TRAPPC6A: variants seen among roughly 807,000 people sequenced by gnomAD.
TRAPPC6A encodes the protein TRAPP complex subunit 6A.
In TRAPPC6A, 25 loss-of-function variants were observed where a neutral mutation model predicts 20.8. The ratio of observed to expected loss-of-function variants is 1.20; its 90% CI spans 0.88 to 1.68. The LOEUF (loss-of-function observed/expected upper bound fraction) is 1.68. TRAPPC6A is among the 40% of genes most tolerant of loss of function. The pLI is 0.00. For missense variants in TRAPPC6A, 215 were observed against 211.6 expected, an observed-to-expected ratio of 1.02 and a Z score of -0.10; for synonymous variants, 96 against 93.3, an observed-to-expected ratio of 1.03 and a Z score of -0.16.
intron 1 of TRAPPC6A, among the ~76,000 whole-genome samples, chr19:45,171,289 G>T (rs1027622545): frequency 1.6e-5 from 2 of 123,750 alleles, no homozygotes; most frequent in African/African-American, 6.5e-5. Context: ...GTGACAGAGC[G>T]AGACTCAGTC....
intron 1 of TRAPPC6A, among the ~76,000 whole-genome samples, chr19:45,176,432 C>A (rs1309567147): frequency 1.3e-5 from 2 of 151,930 alleles, no homozygotes; most frequent in African/African-American, 4.8e-5. Context: ...CCACTGCACT[C>A]CAGCCTGGGC....
rs140184899 is a variant in TRAPPC6A at position 45,164,268 on chromosome 19, G to C, written c.271-21C>G. ...GTCCCCTGGGGGAGAGGAGAGGCTG[G>C]TGGGTGGGGTCGGGGCCTGTACATT... On this transcript the variant is annotated intron_variant, in intron 3 of 5. Coordinates refer to ENST00000585934, the MANE Select transcript of TRAPPC6A (RefSeq NM_001270891.2). The C allele has an allele frequency of 4.5e-6, 7 of 1,546,550 alleles. No individual in the cohort carries two copies. The Admixed American group carries it at 7.2e-5, about 16-fold the overall frequency.
rs1367197396 is a variant in TRAPPC6A, at chr19:45,172,689, C to T, written c.84+5446G>A. On this transcript the variant is annotated intron_variant, in intron 1 of 5. Coordinates refer to ENST00000585934, the MANE Select transcript of TRAPPC6A (RefSeq NM_001270891.2). This position sits in a 1 kb window ranked among gnomAD's most constrained non-coding sequence, Gnocchi z 4.2. ...AGTCCAGATCCTGCCTCTGCCCACTCAGAACTCCCCATCCTGTCCCCTGGC... is the reference window on the plus strand; with the variant it reads ...AGTCCAGATCCTGCCTCTGCCCACTTAGAACTCCCCATCCTGTCCCCTGGC... Among the ~76,000 whole-genome samples the T allele has an allele frequency of 2.6e-5, 4 of 151,708 alleles. No individual in the cohort carries two copies. In the East Asian group the frequency reaches 7.7e-4, roughly 29 times the overall value.
In TRAPPC6A at chr19:45,164,251, G is replaced by A. The variant is rs757463522; in HGVS notation, c.271-4C>T. 3 of 1,595,436 alleles carry A rather than the reference G, an allele frequency of 1.9e-6. No homozygotes were observed. In the African/African-American group the frequency reaches 4.0e-5, roughly 21 times the overall value. ...TGTCTTGCAGGACGTAGGTCCCCTG[G>A]GGGAGAGGAGAGGCTGGTGGGTGGG... is the stretch of plus-strand genomic sequence containing the variant. On this transcript the variant is annotated splice_polypyrimidine_tract_variant and splice_region_variant and intron_variant, in intron 3 of 5. Coordinates refer to ENST00000585934, the MANE Select transcript of TRAPPC6A (RefSeq NM_001270891.2).
intron 1 of TRAPPC6A, among the ~76,000 whole-genome samples, chr19:45,168,291 C>T (rs909974489): frequency 6.6e-6 from 1 of 152,206 alleles, no homozygotes; most frequent in East Asian, 1.9e-4. Flanking sequence ...GCGTGAGCCA[C>T]CGCGCCCGGC....
Position 45,163,363 on chromosome 19 carries a change from C to T in TRAPPC6A, c.449-140G>A, listed in dbSNP as rs192547406. 154 of 892,328 alleles carry T rather than the reference C, an allele frequency of 1.7e-4. No individual in the cohort carries two copies. The East Asian group carries it at 3.8e-3, about 22-fold the overall frequency. 55.3% of individuals were successfully genotyped at this position (892,328 alleles called of 1,614,324 possible). ...GGCTGTTTCCTCCCGCCCACGGGGC[C>T]GCATCCCTGAGCTGTGTGAGTAACC... is the stretch of plus-strand genomic sequence containing the variant. On this transcript the variant is annotated intron_variant, in intron 5 of 5. Coordinates refer to ENST00000585934, the MANE Select transcript of TRAPPC6A (RefSeq NM_001270891.2). The surrounding 1 kb of genome is among the most constrained non-coding windows in gnomAD (Gnocchi z 5.3).
rs1273186225 is a variant in TRAPPC6A at position 45,172,884 on chromosome 19, G to A, written c.84+5251C>T. Among the ~76,000 whole-genome samples the A allele has an allele frequency of 6.6e-6, 1 of 151,682 alleles. No homozygotes were observed. Among genetic ancestry groups the A allele is most frequent in the Non-Finnish European group, 1.5e-5 (1 of 68,014 alleles). ...TTTAAACCCGGCTATGGCTCCCACT[G>A]CCTTCGGGATGGAGCCCCAGTTCCC... On this transcript the variant is annotated intron_variant, in intron 1 of 5. Transcript: ENST00000585934. This position sits in a 1 kb window ranked among gnomAD's most constrained non-coding sequence, Gnocchi z 4.2.
chr19:45,162,987 GGGA>G lies in TRAPPC6A; in HGVS notation c.*202_*204del. The G allele has an allele frequency of 4.5e-6, 2 of 444,852 alleles. No homozygotes were observed. The highest frequency in any genetic ancestry group is 3.9e-6 in the Non-Finnish European group (1 of 253,704). 27.6% of individuals were successfully genotyped at this position (444,852 alleles called of 1,614,324 possible). On this transcript the variant is annotated 3_prime_UTR_variant, in exon 6 of 6. Transcript: ENST00000585934. ...TACTGGGCAGTGACGCTGCCGAGGC[GGGA>G]ATCCCACCACAGTCCTGACCGCAGC...
In TRAPPC6A at chr19:45,163,399, G is replaced by A. The variant is rs888547756; in HGVS notation, c.449-176C>T. ...GCTGTGTGAGTAACCAGGAGCATGAGGGCCACGGATGTGGCCCCAGGGAAG... is the reference window on the plus strand; with the variant it reads ...GCTGTGTGAGTAACCAGGAGCATGAAGGCCACGGATGTGGCCCCAGGGAAG... On this transcript the variant is annotated intron_variant, in intron 5 of 5. Transcript: ENST00000585934. This position sits in a 1 kb window ranked among gnomAD's most constrained non-coding sequence, Gnocchi z 5.3. Among the ~76,000 whole-genome samples, 3 of 152,178 alleles carry A rather than the reference G, an allele frequency of 2.0e-5. No homozygotes were observed. The highest frequency in any genetic ancestry group is 7.2e-5 in the African/African-American group (3 of 41,444).
At position 45,178,211 on chromosome 19, in the gene TRAPPC6A, T is replaced by A. The variant is rs1043348870; in HGVS notation, c.8A>T (p.Asp3Val). 1.9e-6 allele frequency: 3 copies of A among 1,604,656 alleles called. No individual in the cohort carries two copies. Among genetic ancestry groups the A allele is most frequent in the South Asian group, 2.2e-5 (2 of 90,644 alleles). The change falls in exon 1 of 6, where the codon GAT becomes GTT. Residue 3 changes from aspartate to valine, a missense_variant. Physicochemically the swap from Asp to Val is radical, Grantham distance 152. Transcript: ENST00000585934. MA[D>V]TVLFEFLHTE... ...GTGAAGAAACTCAAACAACACAGTATCCGCCATGCCCCCTCCTCGCACGCC... is the reference window on the plus strand; with the variant it reads ...GTGAAGAAACTCAAACAACACAGTAACCGCCATGCCCCCTCCTCGCACGCC...
intron 3 of TRAPPC6A, chr19:45,164,575 GCAT>G: frequency 1.7e-6 from 1 of 580,776 alleles, no homozygotes; most frequent in Non-Finnish European, 3.1e-6. Flanking sequence ...GGGACAAGCA[GCAT>G]CACACTGGGG....
Position 45,164,291 on chromosome 19 carries a change from A to T in TRAPPC6A, c.271-44T>A. The T allele has an allele frequency of 2.9e-6, 4 of 1,356,016 alleles. No individual in the cohort carries two copies. In the South Asian group the frequency reaches 5.4e-5, roughly 18 times the overall value. 84.0% of individuals were successfully genotyped at this position (1,356,016 alleles called of 1,614,324 possible). ...TGGTGGGTGGGGTCGGGGCCTGTAC[A>T]TTTGAAGCGCAGGGAGGGTAAGCAG... On this transcript the variant is annotated intron_variant, in intron 3 of 5. Coordinates refer to ENST00000585934, the MANE Select transcript of TRAPPC6A (RefSeq NM_001270891.2).
At chr19:45,169,184 G>A (rs1166709352) in intron 1 of TRAPPC6A, among the ~76,000 whole-genome samples, 5 of 152,212 alleles carry the variant, frequency 3.3e-5, no homozygotes, top group South Asian at 2.1e-4. Flanking sequence ...CACTACCAGC[G>A]GCGCAGGTGC....
Position 45,163,434 on chromosome 19 carries a change from C to T in TRAPPC6A, c.449-211G>A, listed in dbSNP as rs577167792. ...TGTGGCCCCAGGGAAGCGCCCGGCACGGGCTTCTGTGGTATGCATTGCTCG... is the reference window on the plus strand; with the variant it reads ...TGTGGCCCCAGGGAAGCGCCCGGCATGGGCTTCTGTGGTATGCATTGCTCG... On this transcript the variant is annotated intron_variant, in intron 5 of 5. Coordinates refer to ENST00000585934, the MANE Select transcript of TRAPPC6A (RefSeq NM_001270891.2). The surrounding 1 kb of genome is among the most constrained non-coding windows in gnomAD (Gnocchi z 5.3). Among the ~76,000 whole-genome samples, 420 of 152,228 alleles carry T rather than the reference C, an allele frequency of 2.8e-3. 3 individuals carry two copies. The highest frequency in any genetic ancestry group is 9.3e-3 in the African/African-American group (386 of 41,532).
At chr19:45,175,907 CCAGA>C (rs1224247375) in intron 1 of TRAPPC6A, among the ~76,000 whole-genome samples, 2 of 152,128 alleles carry the variant, frequency 1.3e-5, no homozygotes, top group East Asian at 3.9e-4. Flanking sequence ...ACACAATGTA[CCAGA>C]CACTTTACTC....
At chr19:45,171,510 C>T (rs1248119602) in intron 1 of TRAPPC6A, among the ~76,000 whole-genome samples, 1 of 152,088 alleles carries the variant, frequency 6.6e-6, no homozygotes, top group African/African-American at 2.4e-5. Context: ...ATGACATCCA[C>T]CACACAGGAA....
chr19:45,165,552 C>T (rs1390688094), intron 1 of TRAPPC6A, among the ~76,000 whole-genome samples: 1 of 152,238 alleles, frequency 6.6e-6, no homozygotes, highest in Non-Finnish European at 1.5e-5. Context: ...TCAGCGCGAA[C>T]CCTCACAATG....
intron 1 of TRAPPC6A, among the ~76,000 whole-genome samples, chr19:45,169,284 T>C (rs1969222101): frequency 6.6e-6 from 1 of 152,210 alleles, no homozygotes; most frequent in African/African-American, 2.4e-5. Flanking sequence ...AGTTTCCTCA[T>C]GTAAAAAAGA....
chr19:45,164,450 G>A (rs1055406980), intron 3 of TRAPPC6A, among the ~76,000 whole-genome samples: 4 of 152,118 alleles, frequency 2.6e-5, no homozygotes, highest in African/African-American at 9.7e-5. Context: ...GTGCCCTGGG[G>A]AGTGTGGGTC....
Sources: allele counts gnomAD v4.1 joint callset (sites outside exome capture counted in the v4.1 genomes callset), GRCh38; gene constraint gnomAD v4.1.1; non-coding constraint Gnocchi (gnomAD v3.1); transcripts MANE v1.5; gene names NCBI Gene and HGNC (gene_info 2026-07-23, HGNC 2026-07-21).